WASF2: variants seen among roughly 807,000 people sequenced by gnomAD.
The protein encoded by WASF2 is WASP family member 2.
In WASF2, 14 loss-of-function variants were observed where a neutral mutation model predicts 45.0. The observed-to-expected ratio is 0.31, with a 90% CI of 0.21 to 0.49. The LOEUF (loss-of-function observed/expected upper bound fraction) is 0.49. Ranked by LOEUF, WASF2 falls within the 20% of genes least tolerant of loss-of-function variation. The pLI, the probability that WASF2 is intolerant of heterozygous loss-of-function variation, is 0.99. For synonymous variants in WASF2, 200 were observed against 236.3 expected, an observed-to-expected ratio of 0.85 and a Z score of 1.41; for missense variants, 439 against 636.1, an observed-to-expected ratio of 0.69 and a Z score of 3.33.
chr1:27,487,582 A>T (rs1233264581), intron 1 of WASF2, among the ~76,000 whole-genome samples: 1 of 98,496 alleles, frequency 1.0e-5, no homozygotes, highest in African/African-American at 4.5e-5. Context: ...AATATATATT[A>T]TATATATTTT....
intron 1 of WASF2, among the ~76,000 whole-genome samples, chr1:27,487,258 G>A (rs2017942956): frequency 6.9e-6 from 1 of 145,314 alleles, no homozygotes; most frequent in Non-Finnish European, 1.5e-5. Context: ...CCGCCACCAC[G>A]CCCGGCTACT....
At chr1:27,425,880 G>T (rs1326029873) in intron 2 of WASF2, among the ~76,000 whole-genome samples, 1 of 150,044 alleles carries the variant, frequency 6.7e-6, no homozygotes, top group East Asian at 1.9e-4. Context: ...GGGTGTGGTG[G>T]CACATGCCTG....
At chr1:27,430,553 G>A (rs2017047517) in intron 1 of WASF2, among the ~76,000 whole-genome samples, 1 of 151,542 alleles carries the variant, frequency 6.6e-6, no homozygotes, top group Non-Finnish European at 1.5e-5. Context: ...GTAGAGATGA[G>A]GTTTTGCCAT....
At chr1:27,473,455 CAA>C (rs752426888) in intron 1 of WASF2, among the ~76,000 whole-genome samples, 13 of 49,734 alleles carry the variant, frequency 2.6e-4, no homozygotes, top group Non-Finnish European at 3.9e-4. Context: ...ACTCCATGGC[CAA>C]AAAAAAAAAA....
chr1:27,405,676 G>C lies in WASF2; in HGVS notation c.*2513C>G, dbSNP rs886171277. On this transcript the variant is annotated 3_prime_UTR_variant, in exon 9 of 9. Transcript: ENST00000618852. The stretch of plus-strand genomic sequence containing the variant: ...AGCCCAGAGGGCCTCTCGGCTCACT[G>C]GGTCCCCGGCCCCCCGAGCTGAGGA... 1 of 135,856 alleles carries C rather than the reference G, an allele frequency of 7.4e-6. No individual in the cohort carries two copies. Among genetic ancestry groups the C allele is most frequent in the African/African-American group, 2.9e-5 (1 of 34,538 alleles). The allele number at this position is 135,856 out of a possible 1,614,324, so 8.4% of individuals were successfully genotyped here.
intron 1 of WASF2, among the ~76,000 whole-genome samples, chr1:27,454,061 T>G (rs962562767): frequency 6.7e-6 from 1 of 150,324 alleles, no homozygotes; most frequent in Non-Finnish European, 1.5e-5. Context: ...TATTGTTTAG[T>G]GTCACATTCT....
chr1:27,436,744 C>G (rs952889509), intron 1 of WASF2, among the ~76,000 whole-genome samples: 1 of 152,184 alleles, frequency 6.6e-6, no homozygotes, highest in Non-Finnish European at 1.5e-5. Flanking sequence ...TAACCACACT[C>G]TCTCTCCAAG....
chr1:27,448,146 G>A (rs899310416), intron 1 of WASF2, among the ~76,000 whole-genome samples: 7 of 152,282 alleles, frequency 4.6e-5, no homozygotes, highest in East Asian at 3.9e-4. Flanking sequence ...CCTTAGGGGC[G>A]GGCCCAGGAC....
At chr1:27,432,453 CCTGG>C (rs1336959267) in intron 1 of WASF2, among the ~76,000 whole-genome samples, 3 of 151,710 alleles carry the variant, frequency 2.0e-5, no homozygotes, top group Non-Finnish European at 4.4e-5. Context: ...TCGAGACCAT[CCTGG>C]CTAACATGGT....
At chr1:27,412,212 TTTTG>T (rs1326952589) in intron 7 of WASF2, among the ~76,000 whole-genome samples, 12 of 152,276 alleles carry the variant, frequency 7.9e-5, no homozygotes, top group African/African-American at 2.6e-4. Context: ...GGTTTTAACT[TTTTG>T]TTTGTTTTTG....
chr1:27,446,065 GTCT>G (rs1329234619), intron 1 of WASF2, among the ~76,000 whole-genome samples: 1 of 151,874 alleles, frequency 6.6e-6, no homozygotes, highest in Non-Finnish European at 1.5e-5. Flanking sequence ...GAAAAGATAA[GTCT>G]TTTTTAATTA....
intron 1 of WASF2, among the ~76,000 whole-genome samples, chr1:27,465,200 A>G (rs887881641): frequency 3.3e-5 from 5 of 152,196 alleles, no homozygotes; most frequent in Admixed American, 6.6e-5. Context: ...GACTCCACAC[A>G]TGAAAGTTGA....
At chr1:27,415,578 G>A (rs1191554618) in intron 5 of WASF2, among the ~76,000 whole-genome samples, 2 of 151,870 alleles carry the variant, frequency 1.3e-5, no homozygotes, top group African/African-American at 4.8e-5. Context: ...CCGTAGCGAA[G>A]GCATTAAACT....
chr1:27,440,993 A>G (rs2017218097), intron 1 of WASF2, among the ~76,000 whole-genome samples: 1 of 151,940 alleles, frequency 6.6e-6, no homozygotes, highest in African/African-American at 2.4e-5. Context: ...TAGCCTCCCA[A>G]GTAGCTGGGA....
intron 1 of WASF2, among the ~76,000 whole-genome samples, chr1:27,472,531 G>C (rs1384505716): frequency 1.3e-5 from 2 of 151,188 alleles, no homozygotes; most frequent in East Asian, 3.9e-4. Flanking sequence ...CCACTTGGAA[G>C]GCTGAGATGG....
chr1:27,409,628 A>T lies in WASF2; in HGVS notation c.1339+64T>A, dbSNP rs1391969920. 9 of 1,399,658 alleles carry T rather than the reference A, an allele frequency of 6.4e-6. No homozygotes were observed. The African/African-American group carries it at 1.2e-4, about 18-fold the overall frequency. The allele number at this position is 1,399,658 out of a possible 1,614,324, so 86.7% of individuals were successfully genotyped here. A position where few individuals can be genotyped will look rare whatever the true frequency, so the allele number is the denominator to read the frequency against. On this transcript the variant is annotated intron_variant, in intron 8 of 8. Coordinates refer to ENST00000618852, the MANE Select transcript of WASF2 (RefSeq NM_006990.5). ...ACAGGGACCCCCTCACCCATCCCCC[A>T]ATCAGTCATCCCAGCTTCAGAAAGA...
At chr1:27,427,038 C>A (rs187556344) in intron 2 of WASF2, among the ~76,000 whole-genome samples, 2 of 152,264 alleles carry the variant, frequency 1.3e-5, no homozygotes. Flanking sequence ...GATTATGAGT[C>A]CTGGAGGGCA....
chr1:27,476,300 T>C (rs2017766004), intron 1 of WASF2, among the ~76,000 whole-genome samples: 1 of 152,196 alleles, frequency 6.6e-6, no homozygotes, highest in African/African-American at 2.4e-5. Flanking sequence ...CTGCAGGCTG[T>C]ACAGGAAACA....
chr1:27,476,402 G>A (rs2017767018), intron 1 of WASF2, among the ~76,000 whole-genome samples: 1 of 152,194 alleles, frequency 6.6e-6, no homozygotes. Context: ...TGAACTCAGA[G>A]CGAGAGCTCA....
Sources: allele counts gnomAD v4.1 joint callset (sites outside exome capture counted in the v4.1 genomes callset), GRCh38; gene constraint gnomAD v4.1.1; transcripts MANE v1.5; gene names NCBI Gene and HGNC (gene_info 2026-07-23, HGNC 2026-07-21).